Variants in RPS6KC1 observed in about 807,000 individuals in gnomAD.
RPS6KC1 encodes ribosomal protein S6 kinase C1.
A neutral mutation model predicts 103.8 loss-of-function variants in RPS6KC1; 54 were observed. That is an observed-to-expected ratio of 0.52 (90% CI 0.42 to 0.65). The LOEUF (loss-of-function observed/expected upper bound fraction) is 0.65, where lower values mean the gene tolerates loss of function less well. Ranked by LOEUF, RPS6KC1 falls within the 30% of genes least tolerant of loss-of-function variation. The pLI is 0.00. For synonymous variants in RPS6KC1, 439 were observed against 438.7 expected, an observed-to-expected ratio of 1.00 and a Z score of -0.01; for missense variants, 1,151 against 1,253.8, an observed-to-expected ratio of 0.92 and a Z score of 1.24.
chr1:213,416,593 A>G, the RPS6KC1 span, among the ~76,000 whole-genome samples: 1 of 152,156 alleles, frequency 6.6e-6, no homozygotes, highest in African/African-American at 2.4e-5. Context: ...TTCCCAAGGA[A>G]ATGCTTCCAG....
At chr1:213,378,800 C>A in the RPS6KC1 span, among the ~76,000 whole-genome samples, 15 of 152,166 alleles carry the variant, frequency 9.9e-5, no homozygotes, top group African/African-American at 3.6e-4. Context: ...AGGCCCTAGC[C>A]CAACATGCCC....
rs1289987020 is a variant in RPS6KC1, at chr1:213,232,240, C to G, written c.1210C>G (p.Leu404Val). ...IISEESVFLV[L>V]QHAEGGKLWS... ...CTCTGAGGAGTCAGTATTTCTTGTG[C>G]TGCAGCATGCGGAAGGTTGGTTTGT... The change falls in exon 10 of 15, where the codon CTG becomes GTG. Residue 404 changes from leucine to valine, a missense_variant. Physicochemically the swap from Leu to Val is conservative, Grantham distance 32. Coordinates refer to ENST00000366960, the MANE Select transcript of RPS6KC1 (RefSeq NM_012424.6). The G allele has an allele frequency of 1.2e-6, 2 of 1,613,816 alleles. No individual in the cohort carries two copies.
At chr1:213,384,584 G>A in the RPS6KC1 span, among the ~76,000 whole-genome samples, 1 of 152,148 alleles carries the variant, frequency 6.6e-6, no homozygotes, top group Non-Finnish European at 1.5e-5. Flanking sequence ...GAGGGCAGGA[G>A]GGGATGGTGA....
chr1:213,289,907 C>T, the RPS6KC1 span, among the ~76,000 whole-genome samples: 22 of 152,016 alleles, frequency 1.4e-4, 1 homozygote, highest in South Asian at 2.9e-3. Flanking sequence ...GGCGTGGTGG[C>T]GCGTGCCTGT....
the RPS6KC1 span, among the ~76,000 whole-genome samples, chr1:213,429,379 C>T: frequency 6.6e-6 from 1 of 152,160 alleles, no homozygotes; most frequent in African/African-American, 2.4e-5. Flanking sequence ...GTCTCTAATA[C>T]CTGGACTCAA....
chr1:213,723,536 AT>A, the RPS6KC1 span, among the ~76,000 whole-genome samples: 3 of 152,100 alleles, frequency 2.0e-5, no homozygotes, highest in Middle Eastern at 3.2e-3. Context: ...AGCTTACTGG[AT>A]TTGGACCCAC....
At chr1:213,513,550 G>A in the RPS6KC1 span, among the ~76,000 whole-genome samples, 1 of 152,144 alleles carries the variant, frequency 6.6e-6, no homozygotes, top group African/African-American at 2.4e-5. Context: ...TTTTTGGAGA[G>A]CACACAAACT....
At chr1:213,052,872 G>C (rs2077061860) in intron 1 of RPS6KC1, among the ~76,000 whole-genome samples, 1 of 152,150 alleles carries the variant, frequency 6.6e-6, no homozygotes, top group South Asian at 2.1e-4. Flanking sequence ...AAATAGATCA[G>C]TTTGGGGCAT....
the RPS6KC1 span, among the ~76,000 whole-genome samples, chr1:213,459,442 A>G: frequency 1.6e-3 from 249 of 151,766 alleles, no homozygotes; most frequent in African/African-American, 5.6e-3. Context: ...AGCGATGATA[A>G]CCCTTTTATC....
At chr1:213,638,584 A>G in the RPS6KC1 span, among the ~76,000 whole-genome samples, 1 of 152,044 alleles carries the variant, frequency 6.6e-6, no homozygotes, top group Non-Finnish European at 1.5e-5. Flanking sequence ...ATAAGTGACT[A>G]ATTGGTTTAA....
At chr1:213,282,753 A>ACTGAGTGCT in the RPS6KC1 span, among the ~76,000 whole-genome samples, 5 of 152,216 alleles carry the variant, frequency 3.3e-5, no homozygotes, top group African/African-American at 1.2e-4. Context: ...AGGTGCAAAC[A>ACTGAGTGCT]CTGAGTGCTC....
At chr1:213,386,802 G>A in the RPS6KC1 span, among the ~76,000 whole-genome samples, 1 of 152,228 alleles carries the variant, frequency 6.6e-6, no homozygotes, top group Non-Finnish European at 1.5e-5. Context: ...CAGAGACCCT[G>A]CCTGGCCTGG....
Position 213,186,413 on chromosome 1 carries a change from C to T in RPS6KC1, c.1044+9921C>T, listed in dbSNP as rs139400543. Among the ~76,000 whole-genome samples, 545 of 152,204 alleles carry T rather than the reference C, an allele frequency of 3.6e-3. 4 individuals carry two copies. The highest frequency in any genetic ancestry group is 0.012 in the African/African-American group (512 of 41,544). The stretch of plus-strand genomic sequence containing the variant: ...TAAGCACTTTGAAAATGTTGTTTCA[C>T]TCTTGTCTGCGTGGTTTCTGTTGAG... On this transcript the variant is annotated intron_variant, in intron 8 of 14. Transcript: ENST00000366960.
chr1:213,838,597 G>A, the RPS6KC1 span, among the ~76,000 whole-genome samples: 1 of 151,884 alleles, frequency 6.6e-6, no homozygotes. Context: ...AAAAAAAAAT[G>A]AAACCTTATT....
intron 8 of RPS6KC1, among the ~76,000 whole-genome samples, chr1:213,197,008 T>C (rs1019324274): frequency 6.6e-6 from 1 of 152,146 alleles, no homozygotes; most frequent in Admixed American, 6.5e-5. Flanking sequence ...GGCTGGTTTT[T>C]GTATTTTTAG....
At chr1:213,520,736 C>G in the RPS6KC1 span, among the ~76,000 whole-genome samples, 1 of 152,160 alleles carries the variant, frequency 6.6e-6, no homozygotes, top group Non-Finnish European at 1.5e-5. Context: ...TGGTTGTCTA[C>G]TTGCTCAAAG....
At chr1:213,709,218 C>T in the RPS6KC1 span, among the ~76,000 whole-genome samples, 1 of 152,182 alleles carries the variant, frequency 6.6e-6, no homozygotes, top group Non-Finnish European at 1.5e-5. Flanking sequence ...ACTACTGCCT[C>T]AATTTCAGAA....
chr1:213,436,552 C>A, the RPS6KC1 span, among the ~76,000 whole-genome samples: 7 of 152,120 alleles, frequency 4.6e-5, no homozygotes, highest in African/African-American at 1.7e-4. Context: ...AAAAAACATT[C>A]TGGGATATTG....
chr1:213,346,647 A>G, the RPS6KC1 span, among the ~76,000 whole-genome samples: 1 of 152,190 alleles, frequency 6.6e-6, no homozygotes, highest in South Asian at 2.1e-4. Flanking sequence ...CATATGAAGC[A>G]TAATCTGTGT....
Sources: allele counts gnomAD v4.1 joint callset (sites outside exome capture counted in the v4.1 genomes callset), GRCh38; gene constraint gnomAD v4.1.1; transcripts MANE v1.5; gene names NCBI Gene and HGNC (gene_info 2026-07-23, HGNC 2026-07-21).